Variants in TMEFF2 observed in about 807,000 individuals in gnomAD.
TMEFF2 encodes the protein tomoregulin-2.
TMEFF2 carries 28 observed loss-of-function variants against 53.8 expected under a neutral mutation model. The ratio of observed to expected loss-of-function variants is 0.52; its 90% CI spans 0.39 to 0.71. The LOEUF (loss-of-function observed/expected upper bound fraction) is 0.71. TMEFF2 is among the 30% of genes least tolerant of loss of function. TMEFF2 has a pLI of 0.00. For synonymous variants in TMEFF2, 162 were observed against 166.3 expected (o/e 0.97, Z 0.20); for missense variants, 353 against 455.2 (o/e 0.78, Z 2.04).
intron 4 of TMEFF2, among the ~76,000 whole-genome samples, chr2:192,126,186 C>T (rs547812699): frequency 4.9e-4 from 74 of 152,226 alleles, no homozygotes; most frequent in South Asian, 1.9e-3. Flanking sequence ...CCATGAATTA[C>T]CGTTTTCTGA....
chr2:192,059,109 T>C (rs1308554633), intron 4 of TMEFF2, among the ~76,000 whole-genome samples: 1 of 152,124 alleles, frequency 6.6e-6, no homozygotes, highest in African/African-American at 2.4e-5. Flanking sequence ...GTTATCTGTT[T>C]TATAACTCTT....
intron 4 of TMEFF2, among the ~76,000 whole-genome samples, chr2:192,159,461 T>C (rs1690583353): frequency 6.6e-6 from 1 of 152,166 alleles, no homozygotes; most frequent in Non-Finnish European, 1.5e-5. Flanking sequence ...TTCTGGGAAC[T>C]GAATGCGCTA....
intron 7 of TMEFF2, among the ~76,000 whole-genome samples, chr2:191,996,153 G>A (rs892633537): frequency 6.6e-6 from 1 of 151,868 alleles, no homozygotes; most frequent in African/African-American, 2.4e-5. Flanking sequence ...TGGGCAAAAT[G>A]TTAACATGCA....
At chr2:191,950,459 T>C in intron 9 of TMEFF2, 52 bp from the exon 10 acceptor site, 2 of 1,613,696 alleles carry the variant, frequency 1.2e-6, no homozygotes, top group East Asian at 2.2e-5. Context: ...TACCTAAAGT[T>C]TGGCCCTACA....
intron 4 of TMEFF2, among the ~76,000 whole-genome samples, chr2:192,073,197 G>A (rs957244531): frequency 1.3e-5 from 2 of 151,904 alleles, no homozygotes; most frequent in African/African-American, 4.8e-5. Context: ...TTTTAAATGG[G>A]GAAGATGTGT....
At chr2:192,105,212 G>C (rs1689118195) in intron 4 of TMEFF2, among the ~76,000 whole-genome samples, 1 of 151,784 alleles carries the variant, frequency 6.6e-6, no homozygotes, top group South Asian at 2.1e-4. Flanking sequence ...AGATAGAGAG[G>C]TTGATTATAT....
chr2:192,125,234 T>C (rs1689649320), intron 4 of TMEFF2, among the ~76,000 whole-genome samples: 1 of 152,146 alleles, frequency 6.6e-6, no homozygotes, highest in Non-Finnish European at 1.5e-5. Flanking sequence ...AATCGAATAT[T>C]TTAAACTAGA....
intron 9 of TMEFF2, among the ~76,000 whole-genome samples, chr2:191,951,726 G>T (rs1288017740): frequency 6.6e-6 from 1 of 152,124 alleles, no homozygotes; most frequent in Admixed American, 6.6e-5. Flanking sequence ...GGGAATTGGT[G>T]TGCTTTATTG....
intron 3 of TMEFF2, 120 bp downstream of exon 3, chr2:192,184,234 T>C (rs1691256342): frequency 2.4e-6 from 3 of 1,264,910 alleles, no homozygotes; most frequent in Non-Finnish European, 3.3e-6. Context: ...AACAAAACAA[T>C]ACGGCTTGTC....
intron 4 of TMEFF2, among the ~76,000 whole-genome samples, chr2:192,118,074 T>C (rs1034444011): frequency 6.6e-6 from 1 of 151,880 alleles, no homozygotes; most frequent in Non-Finnish European, 1.5e-5. Flanking sequence ...AAAAAATAGA[T>C]TTGGAATAAA....
intron 2 of TMEFF2, among the ~76,000 whole-genome samples, chr2:192,186,150 G>A (rs981355694): frequency 1.3e-5 from 2 of 152,078 alleles, no homozygotes; most frequent in Non-Finnish European, 2.9e-5. Flanking sequence ...GATTTGATTA[G>A]AGCTTTTCAC....
intron 4 of TMEFF2, among the ~76,000 whole-genome samples, chr2:192,059,967 G>A (rs1462058039): frequency 6.6e-6 from 1 of 151,734 alleles, no homozygotes; most frequent in South Asian, 2.1e-4. Context: ...TGACTTAATC[G>A]GTGCACAACT....
intron 4 of TMEFF2, among the ~76,000 whole-genome samples, chr2:192,163,770 A>G (rs1690688036): frequency 6.6e-6 from 1 of 152,214 alleles, no homozygotes; most frequent in Admixed American, 6.5e-5. Flanking sequence ...GTAAACCTAC[A>G]CATTCATTTA....
intron 7 of TMEFF2, among the ~76,000 whole-genome samples, chr2:191,973,193 A>G (rs1470317473): frequency 6.6e-6 from 1 of 152,148 alleles, no homozygotes; most frequent in Non-Finnish European, 1.5e-5. Flanking sequence ...ATCACAAGAA[A>G]ATAAGAGTTC....
At chr2:191,984,972 A>G (rs979052392) in intron 7 of TMEFF2, among the ~76,000 whole-genome samples, 10 of 152,132 alleles carry the variant, frequency 6.6e-5, no homozygotes, top group African/African-American at 2.4e-4. Context: ...GGAAAATAAA[A>G]ATGTAGAATT....
intron 8 of TMEFF2, among the ~76,000 whole-genome samples, chr2:191,955,524 ATTTTTTTTTTTTT>A (rs71405028): frequency 1.8e-4 from 11 of 60,304 alleles, no homozygotes; most frequent in Non-Finnish European, 2.9e-4. Context: ...CTAATTCTTA[ATTTTTTTTTTTTT>A]TTTTTTTTTT....
chr2:191,972,653 T>G (rs1417575294), intron 7 of TMEFF2, among the ~76,000 whole-genome samples: 1 of 152,116 alleles, frequency 6.6e-6, no homozygotes, highest in Non-Finnish European at 1.5e-5. Flanking sequence ...AAAAATTACT[T>G]TTATTTCCCT....
chr2:192,139,056 T>G (rs1190538030), intron 4 of TMEFF2, among the ~76,000 whole-genome samples: 1 of 152,176 alleles, frequency 6.6e-6, no homozygotes, highest in Non-Finnish European at 1.5e-5. Context: ...GGGCTCTCTT[T>G]CTGATGAGCT....
At chr2:192,086,474 A>G (rs1410909094) in intron 4 of TMEFF2, among the ~76,000 whole-genome samples, 1 of 152,156 alleles carries the variant, frequency 6.6e-6, no homozygotes, top group Non-Finnish European at 1.5e-5. Flanking sequence ...CCCATGAAAT[A>G]TTCCTGTTGT....
Sources: gnomAD v4.1 joint callset for allele counts (sites outside exome capture counted in the v4.1 genomes callset) on GRCh38, gnomAD v4.1.1 for gene constraint, MANE v1.5 for transcripts, NCBI Gene and HGNC (gene_info 2026-07-23, HGNC 2026-07-21) for gene names.